The following ADD3 variants were observed in gnomAD, a reference collection of about 807,000 sequenced individuals.
The protein encoded by ADD3 is gamma-adducin.
In ADD3, 25 loss-of-function variants were observed where a neutral mutation model predicts 80.2. The observed-to-expected ratio is 0.31, with a 90% CI of 0.23 to 0.44. The LOEUF is 0.44. ADD3 is among the 20% of genes least tolerant of loss of function. The pLI is 1.00. For missense variants in ADD3, 829 were observed against 847.5 expected (o/e 0.98, Z 0.27); for synonymous variants, 284 against 289.6 (o/e 0.98, Z 0.20).
upstream of ADD3, among the ~76,000 whole-genome samples, chr10:110,005,032 ATT>A (rs1851573867): frequency 6.6e-6 from 1 of 152,050 alleles, no homozygotes. Flanking sequence ...TTTTAGATAT[ATT>A]TTGTTTTTTC....
intron 3 of ADD3, among the ~76,000 whole-genome samples, chr10:110,113,892 C>T (rs1302072703): frequency 6.6e-6 from 1 of 152,184 alleles, no homozygotes; most frequent in Non-Finnish European, 1.5e-5. Context: ...AGGAGAAACA[C>T]TTGGCAGATG....
chr10:110,044,171 C>T (rs1332786296), intron 1 of ADD3, among the ~76,000 whole-genome samples: 1 of 152,266 alleles, frequency 6.6e-6, no homozygotes, highest in East Asian at 1.9e-4. Context: ...CCCTGAACTC[C>T]GTCCTGGGTG....
At chr10:110,093,402 T>A (rs138558020) in intron 1 of ADD3, among the ~76,000 whole-genome samples, 10 of 152,354 alleles carry the variant, frequency 6.6e-5, no homozygotes, top group Non-Finnish European at 1.2e-4. Context: ...TTGTTTTGTT[T>A]CATAATACAG....
At chr10:110,010,881 T>G (rs1852257637) in intron 1 of ADD3, among the ~76,000 whole-genome samples, 1 of 152,196 alleles carries the variant, frequency 6.6e-6, no homozygotes, top group South Asian at 2.1e-4. Context: ...GACTATCAGG[T>G]GCACATGTCT....
At chr10:110,106,008 G>GTATT (rs970135466) in intron 2 of ADD3, 1 of 152,122 alleles carries the variant, frequency 6.6e-6, no homozygotes, top group African/African-American at 2.4e-5. Context: ...AGGGCCAGTG[G>GTATT]TATTCTATTT....
intron 2 of ADD3, among the ~76,000 whole-genome samples, chr10:110,105,673 G>C (rs1370589064): frequency 6.6e-6 from 1 of 152,168 alleles, no homozygotes; most frequent in Non-Finnish European, 1.5e-5. Context: ...CATACTAACA[G>C]TTTTTAATAA....
At chr10:110,127,700 C>G (rs889955754) in intron 12 of ADD3, among the ~76,000 whole-genome samples, 3 of 152,206 alleles carry the variant, frequency 2.0e-5, no homozygotes, top group Non-Finnish European at 2.9e-5. Flanking sequence ...TTCCAGCCCC[C>G]CTTCATTCTG....
chr10:110,007,498 T>A (rs1468846259), upstream of ADD3, among the ~76,000 whole-genome samples: 1 of 151,984 alleles, frequency 6.6e-6, no homozygotes, highest in Non-Finnish European at 1.5e-5. Flanking sequence ...GCTCGCTCAT[T>A]TAGGGCGGGA....
chr10:110,018,781 G>A (rs1366997689), intron 1 of ADD3, among the ~76,000 whole-genome samples: 4 of 152,170 alleles, frequency 2.6e-5, no homozygotes, highest in Admixed American at 6.5e-5. Context: ...CTTATTTGTA[G>A]CAGTGCCAAG....
At chr10:110,076,180 ACT>A (rs1283702872) in intron 1 of ADD3, among the ~76,000 whole-genome samples, 24 of 152,252 alleles carry the variant, frequency 1.6e-4, no homozygotes, top group African/African-American at 5.1e-4. Context: ...ATTAAAAATA[ACT>A]CTTGGTTGTG....
chr10:110,030,316 T>C (rs1196257132), intron 1 of ADD3, among the ~76,000 whole-genome samples: 2 of 138,668 alleles, frequency 1.4e-5, no homozygotes, highest in Non-Finnish European at 3.0e-5. Context: ...AGAGCGAAAC[T>C]CCATCTTAAA....
intron 1 of ADD3, among the ~76,000 whole-genome samples, chr10:110,062,057 T>C (rs1270824186): frequency 6.6e-6 from 1 of 151,498 alleles, no homozygotes; most frequent in Non-Finnish European, 1.5e-5. Flanking sequence ...GGACACCCCA[T>C]CTCTACAAAA....
chr10:110,119,716 G>T (rs1262843152), intron 8 of ADD3, 152 bp downstream of exon 8: 4 of 614,250 alleles, frequency 6.5e-6, no homozygotes, highest in Non-Finnish European at 1.1e-5. Flanking sequence ...TTTCAACTCA[G>T]TTATCTCTTG....
intron 12 of ADD3, among the ~76,000 whole-genome samples, chr10:110,128,810 A>G (rs1852543953): frequency 6.6e-6 from 1 of 152,138 alleles, no homozygotes; most frequent in South Asian, 2.1e-4. Flanking sequence ...CTCTAAGGGT[A>G]TCAATTTTAA....
upstream of ADD3, chr10:110,006,004 T>TGCC (rs1208318196): frequency 2.5e-4 from 60 of 242,852 alleles, no homozygotes; most frequent in South Asian, 7.4e-4. Flanking sequence ...CTGCTGCTGC[T>TGCC]GCCGCCGCCG....
At chr10:110,074,441 G>A (rs1385636992) in intron 1 of ADD3, among the ~76,000 whole-genome samples, 4 of 152,142 alleles carry the variant, frequency 2.6e-5, no homozygotes, top group African/African-American at 7.2e-5. Context: ...TGAGTGTCCT[G>A]TCTATGTTGT....
At position 110,115,293 on chromosome 10, in the gene ADD3, C is replaced by T. The variant is rs1297557702; in HGVS notation, c.335-966C>T. Reference sequence around the variant, plus strand: ...ATCCCAGCTTCTCAGGAGGCTGAGGCGGGAGAATCGCTTTGAACCTGGGAG... The same window carrying T: ...ATCCCAGCTTCTCAGGAGGCTGAGGTGGGAGAATCGCTTTGAACCTGGGAG... On this transcript the variant is annotated intron_variant, in intron 3 of 14. Coordinates refer to ENST00000356080, the MANE Select transcript of ADD3 (RefSeq NM_016824.5). Among the ~76,000 whole-genome samples, 9 of 152,056 alleles carry T rather than the reference C, an allele frequency of 5.9e-5. No homozygotes were observed. In the South Asian group the frequency reaches 1.0e-3, roughly 18 times the overall value.
chr10:110,060,908 C>T (rs1858809379), intron 1 of ADD3, among the ~76,000 whole-genome samples: 1 of 152,156 alleles, frequency 6.6e-6, no homozygotes, highest in South Asian at 2.1e-4. Context: ...GAGTACTAGC[C>T]TGAAGTTAGG....
chr10:110,022,873 A>C (rs1386514750), intron 1 of ADD3, among the ~76,000 whole-genome samples: 1 of 152,148 alleles, frequency 6.6e-6, no homozygotes, highest in Non-Finnish European at 1.5e-5. Flanking sequence ...ATAGGCCATA[A>C]TACTAGAATA....
Sources: gnomAD v4.1 joint callset for allele counts (sites outside exome capture counted in the v4.1 genomes callset) on GRCh38, gnomAD v4.1.1 for gene constraint, MANE v1.5 for transcripts, NCBI Gene and HGNC (gene_info 2026-07-23, HGNC 2026-07-21) for gene names.